SAMD12: variants seen among roughly 807,000 people sequenced by gnomAD.
SAMD12 encodes the protein sterile alpha motif domain-containing protein 12.
SAMD12 carries 9 observed loss-of-function variants against 15.0 expected under a neutral mutation model. That is an observed-to-expected ratio of 0.60 (90% CI 0.36 to 1.05). The LOEUF is 1.05. Ranked by LOEUF, SAMD12 falls within the 50% of genes least tolerant of loss-of-function variation. The pLI, the probability that SAMD12 is intolerant of heterozygous loss-of-function variation, is 0.01. For synonymous variants in SAMD12, 86 were observed against 90.1 expected (o/e 0.96, Z 0.25); for missense variants, 230 against 234.2 (o/e 0.98, Z 0.12).
intron 2 of SAMD12, among the ~76,000 whole-genome samples, chr8:118,455,462 T>C (rs1214106361): frequency 6.6e-6 from 1 of 152,196 alleles, no homozygotes; most frequent in Non-Finnish European, 1.5e-5. Context: ...TGTCCCACCT[T>C]CCTCTTTGAC....
intron 4 of SAMD12, among the ~76,000 whole-genome samples, chr8:118,334,817 G>A (rs183329902): frequency 7.2e-5 from 11 of 152,128 alleles, no homozygotes; most frequent in African/African-American, 1.4e-4. Flanking sequence ...GGTTGGTCTC[G>A]AACTGGTCTC....
intron 1 of SAMD12, among the ~76,000 whole-genome samples, chr8:118,582,698 A>C (rs1260270740): frequency 6.6e-6 from 1 of 152,204 alleles, no homozygotes; most frequent in East Asian, 1.9e-4. Context: ...GGTTAGGTTC[A>C]CAAAAGGGCA....
At chr8:118,482,949 A>G (rs1028083140) in intron 2 of SAMD12, among the ~76,000 whole-genome samples, 4 of 152,224 alleles carry the variant, frequency 2.6e-5, no homozygotes, top group Non-Finnish European at 5.9e-5. Context: ...CGAGGAAGAG[A>G]AAGTAAATAC....
intron 2 of SAMD12, among the ~76,000 whole-genome samples, chr8:118,493,533 T>C (rs1462699912): frequency 6.6e-6 from 1 of 152,156 alleles, no homozygotes. Flanking sequence ...TCCCTTAAAA[T>C]CTATGAATGT....
At chr8:118,373,984 T>C (rs1361242312), downstream of SAMD12, among the ~76,000 whole-genome samples, 2 of 147,722 alleles carry the variant, frequency 1.4e-5, no homozygotes, top group East Asian at 3.9e-4. Flanking sequence ...GGGCTAGCAA[T>C]TTTTTTTTTA....
intron 4 of SAMD12, among the ~76,000 whole-genome samples, chr8:118,207,738 G>C (rs1314949482): frequency 6.6e-6 from 1 of 151,630 alleles, no homozygotes; most frequent in Non-Finnish European, 1.5e-5. Flanking sequence ...TTTGCCTTTT[G>C]CTTTAAACTT....
At chr8:118,142,785 A>G in the SAMD12 span, among the ~76,000 whole-genome samples, 1 of 152,240 alleles carries the variant, frequency 6.6e-6, no homozygotes, top group Non-Finnish European at 1.5e-5. Flanking sequence ...GTGGGCTAAT[A>G]GATGAATATC....
At chr8:118,462,958 G>A (rs1010127083) in intron 2 of SAMD12, among the ~76,000 whole-genome samples, 11 of 151,728 alleles carry the variant, frequency 7.2e-5, no homozygotes, top group Admixed American at 1.3e-4. Flanking sequence ...AAAATTAGCC[G>A]GGCATGGTGG....
intron 3 of SAMD12, among the ~76,000 whole-genome samples, chr8:118,384,078 GCCTCT>G (rs1819820839): frequency 1.3e-5 from 2 of 152,168 alleles, no homozygotes; most frequent in Non-Finnish European, 2.9e-5. Context: ...GATAGGAAAG[GCCTCT>G]CTGAAGGGGT....
At chr8:118,326,144 A>G (rs1816553716) in intron 4 of SAMD12, among the ~76,000 whole-genome samples, 1 of 152,132 alleles carries the variant, frequency 6.6e-6, no homozygotes, top group Non-Finnish European at 1.5e-5. Flanking sequence ...GTTGAATTGG[A>G]TACATATATG....
the SAMD12 span, among the ~76,000 whole-genome samples, chr8:118,151,054 T>A: frequency 9.0e-5 from 13 of 145,120 alleles, no homozygotes; most frequent in East Asian, 1.6e-3. Flanking sequence ...ATTTTTTTTT[T>A]AATTCTAGTT....
At chr8:118,388,369 T>A (rs779996567) in intron 3 of SAMD12, among the ~76,000 whole-genome samples, 6 of 152,238 alleles carry the variant, frequency 3.9e-5, no homozygotes, top group Non-Finnish European at 5.9e-5. Context: ...CACTTCATTT[T>A]TGCCTACACT....
At chr8:118,589,992 G>A (rs113103917) in intron 1 of SAMD12, among the ~76,000 whole-genome samples, 1 of 152,240 alleles carries the variant, frequency 6.6e-6, no homozygotes, top group African/African-American at 2.4e-5. Flanking sequence ...TAAAGAGAAG[G>A]AAGACAATCT....
intron 1 of SAMD12, among the ~76,000 whole-genome samples, chr8:118,608,397 G>A (rs1828030215): frequency 6.6e-6 from 1 of 151,968 alleles, no homozygotes; most frequent in Admixed American, 6.6e-5. Context: ...CATTTCTTAA[G>A]CACTGCATTG....
intron 2 of SAMD12, among the ~76,000 whole-genome samples, chr8:118,531,884 TC>T (rs1825696172): frequency 6.6e-6 from 1 of 152,214 alleles, no homozygotes; most frequent in African/African-American, 2.4e-5. Context: ...CAGGGACAAT[TC>T]GACTTCCTCT....
intron 4 of SAMD12, among the ~76,000 whole-genome samples, chr8:118,305,041 C>A (rs1815251474): frequency 6.9e-6 from 1 of 144,630 alleles, no homozygotes; most frequent in South Asian, 2.3e-4. Context: ...CCCAGCTACT[C>A]GGGAGGCGGA....
At chr8:118,599,733 T>G (rs867491794) in intron 1 of SAMD12, among the ~76,000 whole-genome samples, 1 of 152,158 alleles carries the variant, frequency 6.6e-6, no homozygotes, top group Non-Finnish European at 1.5e-5. Flanking sequence ...ACCTGGGCAG[T>G]CCAATCAGAG....
At chr8:118,505,437 CTGAAG>C (rs1052574025) in intron 2 of SAMD12, among the ~76,000 whole-genome samples, 4 of 150,768 alleles carry the variant, frequency 2.7e-5, no homozygotes, top group Non-Finnish European at 5.9e-5. Context: ...GTCTGAGAGA[CTGAAG>C]TGAAGTTGTT....
At chr8:118,481,417 G>C (rs1190542134) in intron 2 of SAMD12, among the ~76,000 whole-genome samples, 3 of 152,202 alleles carry the variant, frequency 2.0e-5, no homozygotes, top group Non-Finnish European at 4.4e-5. Flanking sequence ...TGAATAGCAG[G>C]TTAGCTGGTT....
Sources: gnomAD v4.1 joint callset for allele counts (sites outside exome capture counted in the v4.1 genomes callset) on GRCh38, gnomAD v4.1.1 for gene constraint, MANE v1.5 for transcripts, NCBI Gene and HGNC (gene_info 2026-07-23, HGNC 2026-07-21) for gene names.